The following ARFGEF1 variants were observed in gnomAD, a reference collection of about 807,000 sequenced individuals.
ARFGEF1 encodes the protein brefeldin A-inhibited guanine nucleotide-exchange protein 1.
Under a neutral mutation model 231.0 loss-of-function variants are expected in ARFGEF1, and 42 were observed. The ratio of observed to expected loss-of-function variants is 0.18; its 90% confidence interval spans 0.14 to 0.24. ARFGEF1 has a LOEUF of 0.24. Among genes scored for constraint, ARFGEF1 ranks in the 10% least tolerant of loss-of-function variants. The pLI is 1.00. For missense variants in ARFGEF1, 1,345 were observed against 2,192.0 expected (o/e 0.61, Z 7.72); for synonymous variants, 710 against 732.3 (o/e 0.97, Z 0.49).
chr8:67,212,937 T>A (rs1838802629), intron 33 of ARFGEF1, among the ~76,000 whole-genome samples: 1 of 152,108 alleles, frequency 6.6e-6, no homozygotes, highest in Non-Finnish European at 1.5e-5. Context: ...GGTCAAAAAA[T>A]TAGGGATTTA....
At chr8:67,216,801 AT>A in intron 32 of ARFGEF1, 139 bp from the exon 33 acceptor site, 2 of 521,982 alleles carry the variant, frequency 3.8e-6, no homozygotes, top group Admixed American at 4.2e-5. Flanking sequence ...AATTTTAGCA[AT>A]TTCCTAAAAA....
At chr8:67,201,840 C>T in intron 36 of ARFGEF1, 1 of 460,210 alleles carries the variant, frequency 2.2e-6, no homozygotes, top group Non-Finnish European at 3.8e-6. Context: ...GAACCCTTCA[C>T]ATGAAACTGC....
downstream of ARFGEF1, chr8:67,195,600 CCTGTA>C: frequency 1.2e-6 from 2 of 1,612,524 alleles, no homozygotes; most frequent in Non-Finnish European, 1.7e-6. Flanking sequence ...TTAAAATAAA[CCTGTA>C]CTGGACCCAG....
chr8:67,264,315 G>A (rs548585550), intron 14 of ARFGEF1, among the ~76,000 whole-genome samples: 1 of 152,176 alleles, frequency 6.6e-6, no homozygotes, highest in African/African-American at 2.4e-5. Context: ...AGATTGCAGG[G>A]ATATTAGGAA....
rs1806379080 is a variant in ARFGEF1, at chr8:67,299,425, A to G, written c.313-70T>C. 5 of 1,368,688 alleles carry G rather than the reference A, an allele frequency of 3.7e-6. No homozygotes were observed. The Admixed American group carries it at 1.0e-4, about 28-fold the overall frequency. The allele number at this position is 1,368,688 out of a possible 1,614,324, so 84.8% of individuals were successfully genotyped here. On this transcript the variant is annotated intron_variant, in intron 3 of 38. Transcript: ENST00000262215. The stretch of plus-strand genomic sequence containing the variant: ...TATTATACATACTAATGCAATATAC[A>G]TTAAAATTACAGTATACAATTGAAT...
At chr8:67,281,886 G>C (rs1805551008) in intron 7 of ARFGEF1, among the ~76,000 whole-genome samples, 1 of 151,984 alleles carries the variant, frequency 6.6e-6, no homozygotes, top group South Asian at 2.1e-4. Context: ...GCCAAAGGAA[G>C]AAAACAATAA....
At chr8:67,317,665 C>A (rs1807384005) in intron 1 of ARFGEF1, among the ~76,000 whole-genome samples, 1 of 148,972 alleles carries the variant, frequency 6.7e-6, no homozygotes, top group African/African-American at 2.5e-5. Flanking sequence ...AATCCCAGCA[C>A]TTTGGGAGGC....
At chr8:67,284,358 C>A (rs1012397470) in intron 7 of ARFGEF1, among the ~76,000 whole-genome samples, 1 of 152,064 alleles carries the variant, frequency 6.6e-6, no homozygotes, top group African/African-American at 2.4e-5. Flanking sequence ...GCTAGTGAAA[C>A]TGATTACCTA....
rs751331329 is a variant in ARFGEF1, at chr8:67,227,307, G to C, written c.3746C>G (p.Ser1249Cys). Reference protein sequence around the residue: ...PFEHIMKRNRSPTIRDMVVRC... With the variant: ...PFEHIMKRNRCPTIRDMVVRC... The stretch of plus-strand genomic sequence containing the variant: ...TACAACCATATCTCGAATTGTTGGA[G>C]ACCTAAAAATATTAATATAATTGCT... Residue 1249 changes from serine to cysteine, a missense_variant and splice_region_variant, in exon 27 of 39, where the codon TCT (serine) becomes TGT (cysteine). Physicochemically the swap from Ser to Cys is moderately radical, Grantham distance 112. Coordinates refer to ENST00000262215, the MANE Select transcript of ARFGEF1 (RefSeq NM_006421.5). 7.5e-6 allele frequency: 12 copies of C among 1,609,994 alleles called. No individual in the cohort carries two copies. The South Asian group carries it at 8.8e-5, about 12-fold the overall frequency.
chr8:67,190,784 T>A, intron 5 of ARFGEF1: 1 of 1,509,848 alleles, frequency 6.6e-7, no homozygotes, highest in Non-Finnish European at 9.2e-7. Context: ...TTTCTCCCCC[T>A]TTTCAACTTA....
chr8:67,187,317 G>A lies in ARFGEF1; in HGVS notation c.561-11745C>T. On this transcript the variant is annotated intron_variant, in intron 5 of 5. Coordinates refer to the ARFGEF1 transcript ENST00000518789. ...TCTCACAGCTGACTTCAAGAGTTAT[G>A]ATAAAGTTATAATAAACAAGACAGT... is the stretch of plus-strand genomic sequence containing the variant. Among the ~76,000 whole-genome samples, 2 of 152,182 alleles carry A rather than the reference G, an allele frequency of 1.3e-5. 1 individual carries two copies. The highest frequency in any genetic ancestry group is 2.9e-5 in the Non-Finnish European group (2 of 68,024).
Position 67,343,602 on chromosome 8 carries a change from G to T in ARFGEF1, c.-315C>A. 1 of 1,057,176 alleles carries T rather than the reference G, an allele frequency of 9.5e-7. No individual in the cohort carries two copies. Among genetic ancestry groups the T allele is most frequent in the East Asian group, 7.3e-5 (1 of 13,790 alleles). 65.5% of individuals were successfully genotyped at this position (1,057,176 alleles called of 1,614,324 possible). The stretch of plus-strand genomic sequence containing the variant: ...CACTCGTCCCTCCGGCCCTGGTGGC[G>T]GTGAGGGAGCCCGGCCCGGGCGGCT... On this transcript the variant is annotated 5_prime_UTR_variant, in exon 1 of 39. Coordinates refer to ENST00000262215, the MANE Select transcript of ARFGEF1 (RefSeq NM_006421.5).
intron 7 of ARFGEF1, 35 bp from the exon 8 acceptor site, chr8:67,277,492 T>A (rs1479811202): frequency 1.3e-6 from 2 of 1,584,798 alleles, no homozygotes; most frequent in Non-Finnish European, 1.7e-6. Context: ...TGCAAATATA[T>A]CTGACTTAAC....
At chr8:67,211,831 T>C (rs995344998) in intron 33 of ARFGEF1, among the ~76,000 whole-genome samples, 1 of 152,148 alleles carries the variant, frequency 6.6e-6, no homozygotes, top group Non-Finnish European at 1.5e-5. Flanking sequence ...TCTGAAACCA[T>C]CCAACAGCAA....
intron 7 of ARFGEF1, among the ~76,000 whole-genome samples, chr8:67,282,884 A>AT (rs1233364914): frequency 6.6e-6 from 1 of 151,852 alleles, no homozygotes; most frequent in Non-Finnish European, 1.5e-5. Context: ...AGAAAATAAT[A>AT]TAAGCAAAGG....
chr8:67,299,241 T>C lies in ARFGEF1; in HGVS notation c.427A>G (p.Thr143Ala), dbSNP rs1184530742. The change falls in exon 4 of 39, where the codon ACA (threonine) becomes GCA (alanine). Residue 143 changes from threonine to alanine, a missense_variant. Coordinates refer to ENST00000262215, the MANE Select transcript of ARFGEF1 (RefSeq NM_006421.5). ...TICGCFQGPQTDEGVQLQIIK... is the reference protein window; with the variant it reads ...TICGCFQGPQADEGVQLQIIK... ...ATCTGCAGCTGAACTCCTTCATCTG[T>C]CTGAGGGCCCTGAAAGCAGCCACAT... The C allele has an allele frequency of 2.5e-6, 4 of 1,583,236 alleles. No homozygotes were observed. The highest frequency in any genetic ancestry group is 2.6e-6 in the Non-Finnish European group (3 of 1,162,388).
At position 67,343,270 on chromosome 8, in the gene ARFGEF1, C is replaced by T. The variant is rs1363696374; in HGVS notation, c.18G>A (p.Lys6=). MYEGK[K]TKNMFLTRAL... is the part of the protein sequence containing the mutation. ...CCCGGGTCAGGAACATGTTCTTCGT[C>T]TTCTTCCCCTCATACATGGACGCAG... is the stretch of plus-strand genomic sequence containing the variant. Residue 6 remains lysine, a synonymous_variant, in exon 1 of 39, where the codon AAG becomes AAA. Coordinates refer to ENST00000262215, the MANE Select transcript of ARFGEF1 (RefSeq NM_006421.5). 3.7e-6 allele frequency: 6 copies of T among 1,613,888 alleles called. No individual in the cohort carries two copies. Among genetic ancestry groups the T allele is most frequent in the South Asian group, 2.2e-5 (2 of 91,070 alleles).
intron 18 of ARFGEF1, among the ~76,000 whole-genome samples, chr8:67,252,282 CAAAA>C (rs57653248): frequency 1.8e-4 from 4 of 21,876 alleles, no homozygotes; most frequent in African/African-American, 3.9e-4. Flanking sequence ...AACTCCATCT[CAAAA>C]AAAAAAAAAA....
intron 5 of ARFGEF1, among the ~76,000 whole-genome samples, chr8:67,178,842 T>G (rs1351230977): frequency 5.9e-5 from 9 of 152,194 alleles, no homozygotes; most frequent in African/African-American, 2.2e-4. Context: ...ATTCTGGGAC[T>G]TTGCCTTTGA....
Sources: gnomAD v4.1 joint callset for allele counts (sites outside exome capture counted in the v4.1 genomes callset) on GRCh38, gnomAD v4.1.1 for gene constraint, MANE v1.5 for transcripts, NCBI Gene and HGNC (gene_info 2026-07-23, HGNC 2026-07-21) for gene names.